The following CAD variants were observed in gnomAD, a reference collection of about 807,000 sequenced individuals.
The protein encoded by CAD is carbamoyl-phosphate synthetase 2, aspartate transcarbamylase, and dihydroorotase.
In CAD, 81 loss-of-function variants were observed where a neutral mutation model predicts 237.2. The ratio of observed to expected loss-of-function variants is 0.34; its 90% CI spans 0.29 to 0.41. CAD has a LOEUF of 0.41. Among genes scored for constraint, CAD ranks in the 10% least tolerant of loss-of-function variants. CAD has a pLI of 1.00. For missense variants in CAD, 2,181 were observed against 2,951.7 expected, an observed-to-expected ratio of 0.74 and a Z score of 6.05; for synonymous variants, 1,196 against 1,162.8, an observed-to-expected ratio of 1.03 and a Z score of -0.58.
chr2:27,220,783 C>G (rs912741643), intron 2 of CAD, among the ~76,000 whole-genome samples: 1 of 151,904 alleles, frequency 6.6e-6, no homozygotes, highest in Non-Finnish European at 1.5e-5. Flanking sequence ...ATGGTGAAAC[C>G]CCGTCTCTAC....
At chr2:27,223,356 G>A (rs1397864295) in intron 6 of CAD, among the ~76,000 whole-genome samples, 1 of 151,966 alleles carries the variant, frequency 6.6e-6, no homozygotes, top group Non-Finnish European at 1.5e-5. Flanking sequence ...GCTTGAACCT[G>A]GGAGGTGGAG....
Position 27,235,386 on chromosome 2 carries a change from A to G in CAD, c.3928A>G (p.Ile1310Val). 6.2e-7 allele frequency: 1 copy of G among 1,613,500 alleles called. No individual in the cohort carries two copies. The highest frequency in any genetic ancestry group is 8.5e-7 in the Non-Finnish European group (1 of 1,179,714). The change falls in exon 24 of 44, where the codon ATC becomes GTC. Residue 1310 changes from isoleucine to valine, a missense_variant. This residue lies in a region of CAD where 306 missense variants were observed against 607.9 expected (regional missense o/e 0.50). Transcript: ENST00000264705. The surrounding 1 kb of genome is among the most constrained non-coding windows in gnomAD (Gnocchi z 5.2). ...GGCCATGCTAAGCACTGGCTTTAAG[A>G]TCCCCAAGAAGAATATCCTGCTGAC... The part of the protein sequence containing the change: ...LKAMLSTGFK[I>V]PKKNILLTIG...
Position 27,232,366 on chromosome 2 carries a change from A to G in CAD, c.2646-82A>G, listed in dbSNP as rs1675801364. 1 of 1,588,792 alleles carries G rather than the reference A, an allele frequency of 6.3e-7. No homozygotes were observed. Among genetic ancestry groups the G allele is most frequent in the South Asian group, 1.2e-5 (1 of 86,846 alleles). ...CTTGGTTCCAAGGATATTTCCTCTC[A>G]TCTGTGCCCTGGGGTCTCAACCCTC... On this transcript the variant is annotated intron_variant, in intron 17 of 43. Coordinates refer to ENST00000264705, the MANE Select transcript of CAD (RefSeq NM_004341.5). This position sits in a 1 kb window ranked among gnomAD's most constrained non-coding sequence, Gnocchi z 4.1.
chr2:27,236,404 G>A lies in CAD; in HGVS notation c.4195G>A (p.Gly1399Arg). The change falls in exon 26 of 44, where the codon GGA (glycine) becomes AGA (arginine). Residue 1399 changes from glycine (G) to arginine (R), a missense_variant. Transcript: ENST00000264705. This position sits in a 1 kb window ranked among gnomAD's most constrained non-coding sequence, Gnocchi z 4.1. ...GCTGGTGATTAACCTGTCAATGCGT[G>A]GAGCTGGGGGCCGGCGTCTCTCTTC... ...FELVINLSMR[G>R]AGGRRLSSFV... 1 of 1,614,216 alleles carries A rather than the reference G, an allele frequency of 6.2e-7. No individual in the cohort carries two copies. Among genetic ancestry groups the A allele is most frequent in the Non-Finnish European group, 8.5e-7 (1 of 1,180,046 alleles).
rs780024046 is a variant in CAD, at chr2:27,233,598, A to C, written c.3217-28A>C. 3 of 1,613,914 alleles carry C rather than the reference A, an allele frequency of 1.9e-6. No individual in the cohort carries two copies. The highest frequency in any genetic ancestry group is 2.5e-6 in the Non-Finnish European group (3 of 1,179,868). On this transcript the variant is annotated intron_variant, in intron 20 of 43. Transcript: ENST00000264705. This position sits in a 1 kb window ranked among gnomAD's most constrained non-coding sequence, Gnocchi z 6.3. ...TGATGCTTGGGGGAAAGTGTGAACAACTCAGCTAAGCTCCCTGCCTCCTGT... is the reference window on the plus strand; with the variant it reads ...TGATGCTTGGGGGAAAGTGTGAACACCTCAGCTAAGCTCCCTGCCTCCTGT...
intron 3 of CAD, 96 bp downstream of exon 3, chr2:27,221,443 A>G (rs2148057464): frequency 8.8e-7 from 1 of 1,135,202 alleles, no homozygotes; most frequent in Non-Finnish European, 1.1e-6. Flanking sequence ...TGACTCTAAG[A>G]TTGTGATAGT....
In CAD at chr2:27,241,794, G is replaced by A. The variant is rs1234504006; in HGVS notation, c.5884-117G>A. The A allele has an allele frequency of 2.7e-6, 2 of 744,962 alleles. No homozygotes were observed. Among genetic ancestry groups the A allele is most frequent in the Non-Finnish European group, 4.5e-6 (2 of 443,046 alleles). The allele number at this position is 744,962 out of a possible 1,614,324, so 46.1% of individuals were successfully genotyped here. On this transcript the variant is annotated intron_variant, in intron 38 of 43. Transcript: ENST00000264705. This position sits in a 1 kb window ranked among gnomAD's most constrained non-coding sequence, Gnocchi z 4.6. ...CTCTGACAGGTCACAGGGGAGGTTT[G>A]GGTGCAGAAGGGTCCTCACAGCACC... is the stretch of plus-strand genomic sequence containing the variant.
chr2:27,223,259 T>C (rs1384272355), intron 6 of CAD, among the ~76,000 whole-genome samples: 1 of 152,062 alleles, frequency 6.6e-6, no homozygotes, highest in African/African-American at 2.4e-5. Flanking sequence ...GGTGAAACTC[T>C]GTCTCTACTA....
Position 27,236,244 on chromosome 2 carries a change from G to A in CAD, c.4075-40G>A. The A allele has an allele frequency of 1.9e-6, 3 of 1,605,468 alleles. No individual in the cohort carries two copies. The highest frequency in any genetic ancestry group is 1.1e-5 in the South Asian group (1 of 90,466). Reference sequence around the variant, plus strand: ...CTTAAGGCTAGCCTTCCTGACCGCTGCCAGACAGCTTGGCCCTGACCTTGA... The same window carrying A: ...CTTAAGGCTAGCCTTCCTGACCGCTACCAGACAGCTTGGCCCTGACCTTGA... On this transcript the variant is annotated intron_variant, in intron 25 of 43. Coordinates refer to ENST00000264705, the MANE Select transcript of CAD (RefSeq NM_004341.5). The surrounding 1 kb of genome is among the most constrained non-coding windows in gnomAD (Gnocchi z 4.1).
intron 42 of CAD, 74 bp downstream of exon 42, chr2:27,243,047 C>T (rs2148101198): frequency 7.2e-7 from 1 of 1,396,682 alleles, no homozygotes; most frequent in African/African-American, 1.4e-5. Context: ...AAAGGCTGGG[C>T]TGAGGGCTGG....
In CAD at chr2:27,236,453, C is replaced by T; in HGVS notation, c.4244C>T (p.Thr1415Ile). The change falls in exon 26 of 44, where the codon ACC becomes ATC. Residue 1415 changes from threonine (T) to isoleucine (I), a missense_variant. Around this residue, in one of 12 missense-constraint regions of CAD, gnomAD observed 306 missense variants for 607.9 expected, o/e 0.50. Transcript: ENST00000264705. This position sits in a 1 kb window ranked among gnomAD's most constrained non-coding sequence, Gnocchi z 4.1. ...LSSFVTKGYR[T>I]RRLAADFSVP... is the part of the protein sequence containing the mutation. ...TCCTTTGTCACCAAGGGCTACCGCA[C>T]CCGACGCTTGGCCGCTGACTTCTCC... The T allele has an allele frequency of 6.2e-7, 1 of 1,614,114 alleles. No individual in the cohort carries two copies. Among genetic ancestry groups the T allele is most frequent in the Non-Finnish European group, 8.5e-7 (1 of 1,180,034 alleles).
At chr2:27,220,508 G>A (rs1257378624) in intron 2 of CAD, among the ~76,000 whole-genome samples, 1 of 151,632 alleles carries the variant, frequency 6.6e-6, no homozygotes, top group East Asian at 1.9e-4. Context: ...AAATTAGCCA[G>A]GTGTGATGAT....
At chr2:27,228,536 C>T (rs1675552903) in intron 15 of CAD, among the ~76,000 whole-genome samples, 1 of 152,218 alleles carries the variant, frequency 6.6e-6, no homozygotes, top group African/African-American at 2.4e-5. Context: ...TTGCAGTGAG[C>T]TGTGATTGTA....
In CAD at chr2:27,226,298, C is replaced by T. The variant is rs775896284; in HGVS notation, c.2010C>T (p.Ala670=). 1.2e-6 allele frequency: 2 copies of T among 1,614,134 alleles called. No individual in the cohort carries two copies. Among genetic ancestry groups the T allele is most frequent in the Admixed American group, 1.7e-5 (1 of 60,026 alleles). The change falls in exon 13 of 44, where the codon GCC becomes GCT. Residue 670 remains alanine (A), a synonymous_variant. Coordinates refer to ENST00000264705, the MANE Select transcript of CAD (RefSeq NM_004341.5). The stretch of plus-strand genomic sequence containing the variant: ...TTGGGGAGTGCAATGTGCAGTATGC[C>T]TTGAACCCTGAGTCTGAGCAGGTAA... ...GIVGECNVQY[A]LNPESEQYYI... is the part of the protein sequence containing the mutation.
At position 27,237,852 on chromosome 2, in the gene CAD, G is replaced by A; in HGVS notation, c.4698G>A (p.Leu1566=). The change falls in exon 29 of 44, where the codon CTG becomes CTA. Residue 1566 remains leucine, a synonymous_variant. Transcript: ENST00000264705. This position sits in a 1 kb window ranked among gnomAD's most constrained non-coding sequence, Gnocchi z 4.0. ...ACCTCAATGAGACCTTCTCTGAGCT[G>A]CGGCTGGACAGCGTGGTCCAGTGGA... ...KLYLNETFSE[L]RLDSVVQWME... is the part of the protein sequence containing the mutation. The A allele has an allele frequency of 6.2e-7, 1 of 1,613,626 alleles. No homozygotes were observed.
rs762348297 is a variant in CAD, at chr2:27,221,366, G to A, written c.352+19G>A. The A allele has an allele frequency of 1.1e-5, 17 of 1,534,554 alleles. No homozygotes were observed. The highest frequency in any genetic ancestry group is 1.5e-5 in the Non-Finnish European group (17 of 1,140,576). ...TTGCAAGGTATGGTGGCAAGCAGGG[G>A]CATATTTGGGCAGAGCACAGCATGC... On this transcript the variant is annotated intron_variant, in intron 3 of 43. Transcript: ENST00000264705.
chr2:27,240,507 T>A lies in CAD; in HGVS notation c.5593+146T>A, dbSNP rs145194180. ...CCGTGCCATCCTTTGCCTAAACAAG[T>A]CTCCCCGGTGTGAGTAGACATCTCA... On this transcript the variant is annotated intron_variant, in intron 35 of 43. Coordinates refer to ENST00000264705, the MANE Select transcript of CAD (RefSeq NM_004341.5). This position sits in a 1 kb window ranked among gnomAD's most constrained non-coding sequence, Gnocchi z 4.6. 13 of 1,526,950 alleles carry A rather than the reference T, an allele frequency of 8.5e-6. No homozygotes were observed. The East Asian group carries it at 2.9e-4, about 34-fold the overall frequency. The allele number at this position is 1,526,950 out of a possible 1,614,324, so 94.6% of individuals were successfully genotyped here.
intron 9 of CAD, 36 bp downstream of exon 9, chr2:27,224,526 G>A (rs779742722): frequency 1.2e-6 from 2 of 1,605,244 alleles, no homozygotes; most frequent in South Asian, 1.1e-5. Flanking sequence ...CTGGGCGTGT[G>A]ACCCTCAAGA....
rs765600813 is a variant in CAD, at chr2:27,239,010, G to C, written c.5063-32G>C. The C allele has an allele frequency of 7.9e-6, 12 of 1,519,004 alleles. No homozygotes were observed. Among genetic ancestry groups the C allele is most frequent in the Admixed American group, 4.4e-5 (2 of 45,030 alleles). 94.1% of individuals were successfully genotyped at this position (1,519,004 alleles called of 1,614,324 possible). A position where few individuals can be genotyped will look rare whatever the true frequency, so the allele number is the denominator to read the frequency against. Reference sequence around the variant, plus strand: ...TGACTTCCTAGACATGGAGGTGATTGGTCCTGAGGGTAATGGCTTTCTTTC... The same window carrying C: ...TGACTTCCTAGACATGGAGGTGATTCGTCCTGAGGGTAATGGCTTTCTTTC... On this transcript the variant is annotated intron_variant, in intron 31 of 43. Coordinates refer to ENST00000264705, the MANE Select transcript of CAD (RefSeq NM_004341.5). The surrounding 1 kb of genome is among the most constrained non-coding windows in gnomAD (Gnocchi z 4.0).
Sources: gnomAD v4.1 joint callset for allele counts (sites outside exome capture counted in the v4.1 genomes callset) on GRCh38, gnomAD v4.1.1 for gene constraint, gnomAD v4.1.1 regional missense constraint, Gnocchi (gnomAD v3.1) non-coding constraint, MANE v1.5 for transcripts, NCBI Gene and HGNC (gene_info 2026-07-23, HGNC 2026-07-21) for gene names.